Variants in WASHC5 observed in about 807,000 individuals in gnomAD.
WASHC5 encodes WASH complex subunit strumpellin.
A neutral mutation model predicts 150.4 loss-of-function variants in WASHC5; 101 were observed. The observed-to-expected ratio is 0.67, with a 90% CI of 0.57 to 0.79. WASHC5 has a LOEUF of 0.79. WASHC5 is among the 30% of genes least tolerant of loss of function. WASHC5 has a pLI of 0.00. For synonymous variants in WASHC5, 467 were observed against 491.2 expected (o/e 0.95, Z 0.65); for missense variants, 1,195 against 1,396.3 (o/e 0.86, Z 2.30).
chr8:125,025,256 A>AG (rs1491441936), intron 28 of WASHC5, among the ~76,000 whole-genome samples: 16 of 143,802 alleles, frequency 1.1e-4, no homozygotes, highest in Non-Finnish European at 8.9e-5. Context: ...AGCAGTGTTT[A>AG]ATTTTTTTTC....
At chr8:125,073,707 A>G (rs1816970864) in intron 8 of WASHC5, among the ~76,000 whole-genome samples, 1 of 152,238 alleles carries the variant, frequency 6.6e-6, no homozygotes, top group Admixed American at 6.5e-5. Flanking sequence ...GGGCTCAAAG[A>G]CAACTGGCTT....
At chr8:125,087,270 T>C (rs1415236772) in intron 1 of WASHC5, among the ~76,000 whole-genome samples, 2 of 152,216 alleles carry the variant, frequency 1.3e-5, no homozygotes, top group Non-Finnish European at 2.9e-5. Flanking sequence ...TACTACTGCA[T>C]TTTCCTCCAA....
intron 27 of WASHC5, among the ~76,000 whole-genome samples, chr8:125,029,799 G>A (rs6989560): frequency 0.38 from 58,011 of 151,972 alleles, 13,057 homozygotes; most frequent in African/African-American, 0.62. Context: ...GGCATTTTCT[G>A]ATTAACAAAT....
Position 125,076,278 on chromosome 8 carries a change from A to G in WASHC5, c.864+70T>C, listed in dbSNP as rs898139394. On this transcript the variant is annotated intron_variant, in intron 7 of 28. Coordinates refer to ENST00000318410, the MANE Select transcript of WASHC5 (RefSeq NM_014846.4). Reference sequence around the variant, plus strand: ...TTACAACATTACAACCTGTGGGTTAAAGGCCAAAAGAATGGGAAGTTAGTT... The same window carrying G: ...TTACAACATTACAACCTGTGGGTTAGAGGCCAAAAGAATGGGAAGTTAGTT... 18 of 1,461,346 alleles carry G rather than the reference A, an allele frequency of 1.2e-5. No homozygotes were observed. The South Asian group carries it at 1.7e-4, about 14-fold the overall frequency. The allele number at this position is 1,461,346 out of a possible 1,614,324, so 90.5% of individuals were successfully genotyped here.
At chr8:125,068,077 G>A (rs1007559615) in intron 9 of WASHC5, among the ~76,000 whole-genome samples, 4 of 152,156 alleles carry the variant, frequency 2.6e-5, no homozygotes, top group African/African-American at 7.2e-5. Context: ...GCTTCCTCAC[G>A]TCCTGTCTGT....
At position 125,038,852 on chromosome 8, in the gene WASHC5, C is replaced by A; in HGVS notation, c.3062G>T (p.Gly1021Val). Reference sequence around the variant, plus strand: ...CACCTTATTCAGTGGGTTGTGAATGCCAGCTGCCTCCAGATAGGCTGTGAT... The same window carrying A: ...CACCTTATTCAGTGGGTTGTGAATGACAGCTGCCTCCAGATAGGCTGTGAT... ...YEITAYLEAAGIHNPLNKIYI... is the reference protein window; with the variant it reads ...YEITAYLEAAVIHNPLNKIYI... The change falls in exon 25 of 29, where the codon GGC becomes GTC. Residue 1021 changes from glycine to valine, a missense_variant. Physicochemically the swap from Gly to Val is moderately radical, Grantham distance 109 (BLOSUM62 -3). This residue lies in a region of WASHC5 where 997 missense variants were observed against 1,168.1 expected (regional missense o/e 0.85). Transcript: ENST00000318410. 1 of 1,613,998 alleles carries A rather than the reference C, an allele frequency of 6.2e-7. No homozygotes were observed. The highest frequency in any genetic ancestry group is 8.5e-7 in the Non-Finnish European group (1 of 1,179,920).
At chr8:125,029,030 CTTTTTT>C (rs574526697) in intron 27 of WASHC5, among the ~76,000 whole-genome samples, 3 of 122,844 alleles carry the variant, frequency 2.4e-5, no homozygotes, top group African/African-American at 2.7e-5. Context: ...TCCCTGCACA[CTTTTTT>C]TTTTTTTTTT....
intron 17 of WASHC5, among the ~76,000 whole-genome samples, chr8:125,052,183 T>C (rs137880823): frequency 2.0e-5 from 3 of 152,228 alleles, no homozygotes; most frequent in African/African-American, 4.8e-5. Flanking sequence ...AAAGATATAG[T>C]CAATGAGTAC....
chr8:125,036,710 T>TA (rs933767232), intron 26 of WASHC5, among the ~76,000 whole-genome samples: 15 of 141,112 alleles, frequency 1.1e-4, no homozygotes, highest in Admixed American at 2.7e-4. Flanking sequence ...TAAGTGTACT[T>TA]AAAAAAAAAA....
At chr8:125,081,800 T>C (rs774886606) in intron 4 of WASHC5, 39 bp from the exon 5 acceptor site, 14 of 1,163,472 alleles carry the variant, frequency 1.2e-5, no homozygotes, top group Admixed American at 1.0e-4. Flanking sequence ...ATCACTAGAT[T>C]ATACATTCTT....
At chr8:125,090,546 T>C (rs7357374) in intron 1 of WASHC5, among the ~76,000 whole-genome samples, 18,519 of 152,276 alleles carry the variant, frequency 0.12, 1,433 homozygotes, top group Middle Eastern at 0.29. Flanking sequence ...TTTCTTATTT[T>C]CTTTTACAAG....
intron 23 of WASHC5, among the ~76,000 whole-genome samples, chr8:125,040,117 C>A (rs1002469126): frequency 2.0e-5 from 3 of 152,090 alleles, no homozygotes; most frequent in East Asian, 1.9e-4. Context: ...ATTCCCATAC[C>A]CCAACCTAAA....
intron 5 of WASHC5, 27 bp downstream of exon 5, chr8:125,081,634 G>A (rs375583437): frequency 1.1e-5 from 15 of 1,317,692 alleles, no homozygotes; most frequent in East Asian, 2.3e-5. Context: ...GCAGCGTTTC[G>A]GAAGTGTAGT....
intron 6 of WASHC5, among the ~76,000 whole-genome samples, chr8:125,076,985 T>G (rs1375721776): frequency 6.6e-6 from 1 of 152,202 alleles, no homozygotes; most frequent in Non-Finnish European, 1.5e-5. Context: ...AGACTCTCAC[T>G]TAAATTCTCT....
At chr8:125,024,832 G>A (rs1000212557) in intron 28 of WASHC5, among the ~76,000 whole-genome samples, 159 bp from the exon 29 acceptor site, 5 of 151,994 alleles carry the variant, frequency 3.3e-5, no homozygotes, top group Non-Finnish European at 7.4e-5. Context: ...TCTGCTTGTG[G>A]TGCCCCCTAG....
At chr8:125,028,546 T>G (rs1815436848) in intron 28 of WASHC5, 74 bp downstream of exon 28, 1 of 1,095,136 alleles carries the variant, frequency 9.1e-7, no homozygotes, top group African/African-American at 1.5e-5. Context: ...GCTTCACTCC[T>G]GATGAATCCA....
intron 19 of WASHC5, 76 bp from the exon 20 acceptor site, chr8:125,047,407 C>A: frequency 2.1e-6 from 3 of 1,409,442 alleles, no homozygotes; most frequent in South Asian, 1.2e-5. Flanking sequence ...TATAATTTTA[C>A]AAAGATAATA....
chr8:125,086,975 G>C (rs1405511828), intron 1 of WASHC5, among the ~76,000 whole-genome samples: 2 of 152,170 alleles, frequency 1.3e-5, no homozygotes, highest in Non-Finnish European at 2.9e-5. Flanking sequence ...GACATATAAG[G>C]GATGAGGCTA....
chr8:125,058,369 A>C (rs1447833031), intron 14 of WASHC5, among the ~76,000 whole-genome samples: 2 of 151,960 alleles, frequency 1.3e-5, no homozygotes, highest in African/African-American at 4.8e-5. Flanking sequence ...GCAACACAGT[A>C]AAACCCCATC....
Sources: allele counts gnomAD v4.1 joint callset (sites outside exome capture counted in the v4.1 genomes callset), GRCh38; gene constraint gnomAD v4.1.1; regional missense constraint gnomAD v4.1.1; transcripts MANE v1.5; gene names NCBI Gene and HGNC (gene_info 2026-07-23, HGNC 2026-07-21).